Variants in FREM3 observed in about 807,000 individuals in gnomAD.
The protein encoded by FREM3 is FRAS1-related extracellular matrix protein 3.
In FREM3, 105 loss-of-function variants were observed where a neutral mutation model predicts 129.1. The ratio of observed to expected loss-of-function variants is 0.81; its 90% CI spans 0.69 to 0.96. The LOEUF (loss-of-function observed/expected upper bound fraction) is 0.96. Ranked by LOEUF, FREM3 falls within the 40% of genes least tolerant of loss-of-function variation. The probability of loss-of-function intolerance (pLI) is 0.00; values close to 1 mark genes in which losing one functional copy is unlikely to be tolerated. For missense variants in FREM3, 2,593 were observed against 2,666.3 expected, an observed-to-expected ratio of 0.97 and a Z score of 0.61; for synonymous variants, 1,014 against 1,044.9, an observed-to-expected ratio of 0.97 and a Z score of 0.57.
rs1560879074 is a variant in FREM3, at chr4:143,699,721, G to C, written c.955C>G (p.Pro319Ala). The C allele has an allele frequency of 1.3e-6, 2 of 1,519,042 alleles. No individual in the cohort carries two copies. Among genetic ancestry groups the C allele is most frequent in the East Asian group, 2.5e-5 (1 of 40,728 alleles). 94.1% of individuals were successfully genotyped at this position (1,519,042 alleles called of 1,614,324 possible). A position where few individuals can be genotyped will look rare whatever the true frequency, so the allele number is the denominator to read the frequency against. ...FMATMMMEVD[P>A]LVLTALTPDA... is the part of the protein sequence containing the mutation. ...GGCGTCAGGGCTGTCAGCACCAGTG[G>C]ATCCACCTCCATCATCATCGTGGCC... Residue 319 changes from proline to alanine, a missense_variant, in exon 1 of 8, where the codon CCA becomes GCA. Physicochemically the swap from Pro to Ala is conservative, Grantham distance 27 (BLOSUM62 -1). Around this residue, in one of 2 missense-constraint regions of FREM3, gnomAD observed 2,276 missense variants for 2,267.2 expected, o/e 1.00. Transcript: ENST00000329798. This position sits in a 1 kb window ranked among gnomAD's most constrained non-coding sequence, Gnocchi z 4.2.
chr4:143,647,939 C>T (rs11100799), intron 2 of FREM3, among the ~76,000 whole-genome samples: 75,755 of 152,032 alleles, frequency 0.5, 19,673 homozygotes, highest in East Asian at 0.71. Flanking sequence ...CAGCTTACAC[C>T]GTGTGCCTGG....
chr4:143,613,293 A>G (rs1738792956), intron 5 of FREM3, among the ~76,000 whole-genome samples: 1 of 152,202 alleles, frequency 6.6e-6, no homozygotes, highest in African/African-American at 2.4e-5. Flanking sequence ...GACAGGCACA[A>G]GGGGAACTAT....
chr4:143,676,891 G>C (rs1291661134), intron 2 of FREM3, among the ~76,000 whole-genome samples: 1 of 152,164 alleles, frequency 6.6e-6, no homozygotes, highest in Non-Finnish European at 1.5e-5. Flanking sequence ...TGAAATAAAA[G>C]AGGATACAAA....
intron 2 of FREM3, among the ~76,000 whole-genome samples, chr4:143,647,737 A>G (rs1739443660): frequency 6.6e-6 from 1 of 152,294 alleles, no homozygotes; most frequent in East Asian, 1.9e-4. Flanking sequence ...CAGAGGATGT[A>G]TGGAAGTGCC....
intron 2 of FREM3, among the ~76,000 whole-genome samples, chr4:143,648,295 T>C (rs1397629827): frequency 1.3e-5 from 2 of 152,202 alleles, no homozygotes; most frequent in African/African-American, 4.8e-5. Context: ...TTGCCTTGTC[T>C]CAGATGAGAC....
At chr4:143,596,480 G>A (rs1374400705) in intron 6 of FREM3, among the ~76,000 whole-genome samples, 1 of 152,176 alleles carries the variant, frequency 6.6e-6, no homozygotes, top group Non-Finnish European at 1.5e-5. Context: ...GTGGGTGGGA[G>A]TGGGAGGCAC....
At chr4:143,601,439 C>T (rs1390066084) in intron 6 of FREM3, among the ~76,000 whole-genome samples, 2 of 152,164 alleles carry the variant, frequency 1.3e-5, no homozygotes, top group African/African-American at 2.4e-5. Context: ...CTCTGTGAAA[C>T]TGGACATTTC....
At chr4:143,613,297 G>A (rs1560844656) in intron 5 of FREM3, among the ~76,000 whole-genome samples, 1 of 152,186 alleles carries the variant, frequency 6.6e-6, no homozygotes, top group Non-Finnish European at 1.5e-5. Context: ...GGCACAAGGG[G>A]AACTATCACT....
intron 2 of FREM3, among the ~76,000 whole-genome samples, chr4:143,677,686 C>G (rs1473337141): frequency 1.3e-5 from 2 of 152,152 alleles, no homozygotes; most frequent in Admixed American, 6.5e-5. Context: ...AGAATTCAAA[C>G]AAATTGACAA....
intron 2 of FREM3, among the ~76,000 whole-genome samples, chr4:143,688,905 C>T: frequency 6.6e-6 from 1 of 152,158 alleles, no homozygotes; most frequent in East Asian, 1.9e-4. Context: ...AATCCTAAGA[C>T]CTGAAACTAT....
At chr4:143,581,244 G>GTCATT (rs1284551304) in intron 7 of FREM3, among the ~76,000 whole-genome samples, 2 of 152,196 alleles carry the variant, frequency 1.3e-5, no homozygotes, top group Admixed American at 6.5e-5. Flanking sequence ...GAACCCTTTA[G>GTCATT]TCATTGGCGG....
chr4:143,617,150 T>C (rs976830983), intron 5 of FREM3, among the ~76,000 whole-genome samples: 1 of 147,674 alleles, frequency 6.8e-6, no homozygotes, highest in African/African-American at 2.7e-5. Flanking sequence ...CCGAGAAATG[T>C]CTAATTTCCA....
chr4:143,692,999 G>T, intron 2 of FREM3, 114 bp downstream of exon 2: 2 of 454,948 alleles, frequency 4.4e-6, no homozygotes, highest in Non-Finnish European at 7.7e-6. Flanking sequence ...TATTTATTGT[G>T]ATTACTTGCT....
At chr4:143,690,754 T>TA (rs1458244992) in intron 2 of FREM3, among the ~76,000 whole-genome samples, 1 of 152,148 alleles carries the variant, frequency 6.6e-6, no homozygotes, top group Admixed American at 6.5e-5. Flanking sequence ...AAATAACAGA[T>TA]AAAAAAATGT....
At position 143,585,767 on chromosome 4, in the gene FREM3, T is replaced by G. The variant is rs1578821007; in HGVS notation, c.6178+77A>C. 7.1e-7 allele frequency: 1 copy of G among 1,415,324 alleles called. No homozygotes were observed. Among genetic ancestry groups the G allele is most frequent in the East Asian group, 2.5e-5 (1 of 40,078 alleles). 87.7% of individuals were successfully genotyped at this position (1,415,324 alleles called of 1,614,324 possible). On this transcript the variant is annotated intron_variant, in intron 7 of 7. Transcript: ENST00000329798. The surrounding 1 kb of genome is among the most constrained non-coding windows in gnomAD (Gnocchi z 4.2). Reference sequence around the variant, plus strand: ...AGAGTCCATCAACAAAGACTAAGCATGCTTACACTTAACAGACTAGACTCC... The same window carrying G: ...AGAGTCCATCAACAAAGACTAAGCAGGCTTACACTTAACAGACTAGACTCC...
intron 7 of FREM3, among the ~76,000 whole-genome samples, chr4:143,578,420 A>G (rs1360851896): frequency 3.3e-5 from 5 of 152,226 alleles, no homozygotes; most frequent in African/African-American, 1.2e-4. Flanking sequence ...TGATCGTAAC[A>G]TGATAATCAA....
intron 2 of FREM3, among the ~76,000 whole-genome samples, chr4:143,660,075 T>C (rs1403137062): frequency 6.7e-6 from 1 of 149,582 alleles, no homozygotes; most frequent in African/African-American, 2.5e-5. Flanking sequence ...GTGCAGAAGC[T>C]CTTTAGTTTA....
chr4:143,688,806 G>A (rs1740413996), intron 2 of FREM3, among the ~76,000 whole-genome samples: 1 of 152,116 alleles, frequency 6.6e-6, no homozygotes, highest in Admixed American at 6.5e-5. Context: ...ATGGTGCTGG[G>A]GTAATTTGCT....
At chr4:143,616,575 A>G (rs901437254) in intron 5 of FREM3, among the ~76,000 whole-genome samples, 1 of 152,126 alleles carries the variant, frequency 6.6e-6, no homozygotes, top group Non-Finnish European at 1.5e-5. Flanking sequence ...TCACGAGGTC[A>G]GGAGATTGAG....
Sources: allele counts gnomAD v4.1 joint callset (sites outside exome capture counted in the v4.1 genomes callset), GRCh38; gene constraint gnomAD v4.1.1; regional missense constraint gnomAD v4.1.1; non-coding constraint Gnocchi (gnomAD v3.1); transcripts MANE v1.5; gene names NCBI Gene and HGNC (gene_info 2026-07-23, HGNC 2026-07-21).